SLC38A11: variants seen among roughly 807,000 people sequenced by gnomAD.
SLC38A11 encodes putative sodium-coupled neutral amino acid transporter 11.
A neutral mutation model predicts 49.4 loss-of-function variants in SLC38A11; 51 were observed. That is an observed-to-expected ratio of 1.03 (90% CI 0.83 to 1.30). The LOEUF (loss-of-function observed/expected upper bound fraction) is 1.30. Ranked by LOEUF, SLC38A11 falls within the 50% of genes most tolerant of loss-of-function variation. The pLI is 0.00. For missense variants in SLC38A11, 574 were observed against 556.2 expected (o/e 1.03, Z -0.32); for synonymous variants, 203 against 192.9 (o/e 1.05, Z -0.43).
At chr2:164,951,102 T>C (rs922129209) in intron 3 of SLC38A11, among the ~76,000 whole-genome samples, 10 of 152,224 alleles carry the variant, frequency 6.6e-5, no homozygotes, top group South Asian at 2.1e-4. Context: ...GGTTTATATA[T>C]GGCATTAGTT....
At chr2:164,909,691 C>T (rs1179449043) in intron 10 of SLC38A11, among the ~76,000 whole-genome samples, 1 of 151,508 alleles carries the variant, frequency 6.6e-6, no homozygotes, top group Non-Finnish European at 1.5e-5. Context: ...ATAACAGGAA[C>T]AATACCTATG....
At chr2:164,950,204 G>A (rs1261626204) in intron 3 of SLC38A11, 3 of 152,144 alleles carry the variant, frequency 2.0e-5, no homozygotes, top group African/African-American at 7.2e-5. Context: ...GCTTAGCCAA[G>A]GTCTGAAGTT....
chr2:164,908,893 T>C (rs1685209106), intron 10 of SLC38A11, 122 bp from the exon 11 acceptor site: 1 of 1,103,036 alleles, frequency 9.1e-7, no homozygotes, highest in Non-Finnish European at 1.2e-6. Flanking sequence ...ATTAATCAAA[T>C]CTTAAGTCAC....
intron 10 of SLC38A11, 29 bp downstream of exon 10, chr2:164,911,607 G>C (rs769366216): frequency 8.4e-7 from 1 of 1,186,752 alleles, no homozygotes; most frequent in Non-Finnish European, 1.2e-6. Flanking sequence ...GATCACCTGG[G>C]TAAAGCGTTG....
intron 7 of SLC38A11, among the ~76,000 whole-genome samples, chr2:164,923,814 A>AC (rs1399595204): frequency 6.6e-6 from 1 of 151,882 alleles, no homozygotes; most frequent in Non-Finnish European, 1.5e-5. Flanking sequence ...AAAAAAAAAA[A>AC]ACAAATGTTA....
intron 7 of SLC38A11, among the ~76,000 whole-genome samples, chr2:164,924,501 A>G (rs1686430654): frequency 6.6e-6 from 1 of 152,216 alleles, no homozygotes; most frequent in Admixed American, 6.5e-5. Context: ...CCCTGAATAT[A>G]AAATACAAGT....
chr2:164,909,966 T>C (rs1685285910), intron 10 of SLC38A11, among the ~76,000 whole-genome samples: 1 of 152,164 alleles, frequency 6.6e-6, no homozygotes, highest in Non-Finnish European at 1.5e-5. Context: ...CAGATGCCTC[T>C]ATGATATAAT....
intron 7 of SLC38A11, among the ~76,000 whole-genome samples, chr2:164,916,806 A>G (rs776669581): frequency 5.3e-5 from 8 of 152,172 alleles, no homozygotes; most frequent in African/African-American, 1.9e-4. Flanking sequence ...TGGCTAACAC[A>G]TCATGAATAA....
In SLC38A11 at chr2:164,898,524, A is replaced by G; in HGVS notation, c.1302T>C (p.Pro434=). The G allele has an allele frequency of 1.9e-6, 3 of 1,613,574 alleles. No homozygotes were observed. Among genetic ancestry groups the G allele is most frequent in the Non-Finnish European group, 2.5e-6 (3 of 1,179,684 alleles). The change falls in exon 12 of 12, where the codon CCT becomes CCC. Residue 434 remains proline (P), a synonymous_variant. Transcript: ENST00000685975. ...THGQEMFYCF[P]DNFSLTNTSE... ...AGGTATTTGTGAGAGAGAAATTGTC[A>G]GGAAAGCAGTAGAACATTTCCTGCC...
intron 11 of SLC38A11, among the ~76,000 whole-genome samples, chr2:164,907,264 T>C (rs1685072400): frequency 7.9e-6 from 1 of 127,262 alleles, no homozygotes; most frequent in Admixed American, 9.5e-5. Flanking sequence ...CTCTGTCTTC[T>C]TTTCTCTTTT....
At position 164,920,292 on chromosome 2, in the gene SLC38A11, A is replaced by G. The variant is rs1014455953; in HGVS notation, c.618-4319T>C. Among the ~76,000 whole-genome samples, 13 of 151,938 alleles carry G rather than the reference A, an allele frequency of 8.6e-5. 1 individual carries two copies. The South Asian group carries it at 2.1e-3, about 24-fold the overall frequency. On this transcript the variant is annotated intron_variant, in intron 7 of 11. Coordinates refer to ENST00000685975, the MANE Select transcript of SLC38A11 (RefSeq NM_001351537.2). ...CAAGACTCCGTTAAAAAAAAAAAAAAAAAGAAAGGAAGGAAGAAAGAAATA... is the reference window on the plus strand; with the variant it reads ...CAAGACTCCGTTAAAAAAAAAAAAAGAAAGAAAGGAAGGAAGAAAGAAATA...
chr2:164,908,463 A>G (rs1419238524), intron 11 of SLC38A11, among the ~76,000 whole-genome samples, 177 bp downstream of exon 11: 1 of 152,128 alleles, frequency 6.6e-6, no homozygotes. Flanking sequence ...CTTTAAAACT[A>G]TATAGTCCCA....
intron 3 of SLC38A11, among the ~76,000 whole-genome samples, chr2:164,952,261 C>T (rs766068915): frequency 1.1e-4 from 17 of 152,114 alleles, no homozygotes; most frequent in East Asian, 1.9e-4. Flanking sequence ...ATAAGCCAGG[C>T]GGAGAGGCTT....
At chr2:164,942,209 G>A (rs1687818787) in intron 5 of SLC38A11, among the ~76,000 whole-genome samples, 1 of 152,088 alleles carries the variant, frequency 6.6e-6, no homozygotes, top group South Asian at 2.1e-4. Context: ...AACACTTTGG[G>A]AGGCTGAGGT....
chr2:164,954,704 C>T lies in SLC38A11; in HGVS notation c.81G>A (p.Glu27=), dbSNP rs928657816. Residue 27 remains glutamate (E), a synonymous_variant, in exon 2 of 12, where the codon GAG becomes GAA. Transcript: ENST00000685975. ...CAGACTGACAGGTTTTCTCTTTATA[C>T]TCATGTTCAGAAACAAGGGTTTCTC... The part of the protein sequence containing the change: ...DDRETLVSEH[E]YKEKTCQSAA... 5.8e-6 allele frequency: 9 copies of T among 1,540,656 alleles called. No individual in the cohort carries two copies. Among genetic ancestry groups the T allele is most frequent in the Non-Finnish European group, 7.9e-6 (9 of 1,141,506 alleles).
At chr2:164,936,042 C>T (rs1343409165) in intron 7 of SLC38A11, among the ~76,000 whole-genome samples, 1 of 152,146 alleles carries the variant, frequency 6.6e-6, no homozygotes, top group Non-Finnish European at 1.5e-5. Flanking sequence ...TGAGAAAATA[C>T]CTTTCTGTCA....
At position 164,908,737 on chromosome 2, in the gene SLC38A11, G is replaced by T. The variant is rs1220997185; in HGVS notation, c.998C>A (p.Ser333Ter). ...IANVFFGGNLSSVFHIVVTVM... is the reference protein window; with the variant it reads ...IANVFFGGNL ...TGTTACAACAATGTGGAAAACCGATGAAAGATTCCCACCAAAAAACACATT... is the reference window on the plus strand; with the variant it reads ...TGTTACAACAATGTGGAAAACCGATTAAAGATTCCCACCAAAAAACACATT... The change falls in exon 11 of 12, where the codon TCA (serine) becomes TAA (stop). Residue 333 changes from serine to a stop codon, truncating the protein, a stop_gained. Coordinates refer to ENST00000685975, the MANE Select transcript of SLC38A11 (RefSeq NM_001351537.2). LOFTEE classifies it high-confidence loss of function. 1.9e-6 allele frequency: 3 copies of T among 1,610,796 alleles called. No individual in the cohort carries two copies. The highest frequency in any genetic ancestry group is 2.5e-6 in the Non-Finnish European group (3 of 1,178,332).
chr2:164,916,263 A>G (rs1423781147), intron 7 of SLC38A11, among the ~76,000 whole-genome samples: 2 of 152,122 alleles, frequency 1.3e-5, no homozygotes, highest in African/African-American at 4.8e-5. Context: ...TTGCTCATCA[A>G]TTTAACAGAC....
chr2:164,898,379 C>CG lies in SLC38A11; in HGVS notation c.*57dup, dbSNP rs2105438254. On this transcript the variant is annotated 3_prime_UTR_variant, in exon 12 of 12. Coordinates refer to ENST00000685975, the MANE Select transcript of SLC38A11 (RefSeq NM_001351537.2). ...TAACATAAATACAGACTAAAGCAAG[C>CG]GTAAATGTTATGTGTTTTAAAGTCT... 2 of 1,251,480 alleles carry CG rather than the reference C, an allele frequency of 1.6e-6. No homozygotes were observed. The highest frequency in any genetic ancestry group is 2.8e-5 in the South Asian group (2 of 71,266). The allele number at this position is 1,251,480 out of a possible 1,614,324, so 77.5% of individuals were successfully genotyped here. A position where few individuals can be genotyped will look rare whatever the true frequency, so the allele number is the denominator to read the frequency against.
Sources: allele counts gnomAD v4.1 joint callset (sites outside exome capture counted in the v4.1 genomes callset), GRCh38; gene constraint gnomAD v4.1.1; transcripts MANE v1.5; gene names NCBI Gene and HGNC (gene_info 2026-07-23, HGNC 2026-07-21).